Variants in DLC1 observed in about 807,000 individuals in gnomAD.
DLC1 encodes rho GTPase-activating protein 7.
In DLC1, 54 loss-of-function variants were observed where a neutral mutation model predicts 140.3. The ratio of observed to expected loss-of-function variants is 0.38; its 90% CI spans 0.31 to 0.48. DLC1 has a LOEUF of 0.48. Among genes scored for constraint, DLC1 ranks in the 20% least tolerant of loss-of-function variants. The pLI is 0.96. For missense variants in DLC1, 2,536 were observed against 1,907.0 expected (o/e 1.33, Z -6.14); for synonymous variants, 986 against 728.1 (o/e 1.35, Z -5.70).
chr8:13,466,583 G>C (rs1031519573), intron 2 of DLC1, among the ~76,000 whole-genome samples: 1 of 152,178 alleles, frequency 6.6e-6, no homozygotes, highest in Non-Finnish European at 1.5e-5. Context: ...TCTACCTAAT[G>C]AAGTATCCCA....
chr8:13,361,151 G>C (rs1421938119), intron 4 of DLC1, among the ~76,000 whole-genome samples: 1 of 151,770 alleles, frequency 6.6e-6, no homozygotes, highest in Non-Finnish European at 1.5e-5. Context: ...AGGATCACCT[G>C]AGCCAGGGAG....
At chr8:13,428,284 G>A (rs896487076) in intron 2 of DLC1, among the ~76,000 whole-genome samples, 2 of 151,632 alleles carry the variant, frequency 1.3e-5, no homozygotes, top group Non-Finnish European at 2.9e-5. Flanking sequence ...CATACATGTG[G>A]GTTTATATTA....
intron 2 of DLC1, among the ~76,000 whole-genome samples, chr8:13,477,263 T>C (rs1269632116): frequency 6.6e-6 from 1 of 152,156 alleles, no homozygotes; most frequent in African/African-American, 2.4e-5. Context: ...AGTGAAGATA[T>C]CTTCAAGAAG....
In DLC1 at chr8:13,499,287, C is replaced by G; in HGVS notation, c.785G>C (p.Cys262Ser). The G allele has an allele frequency of 6.2e-7, 1 of 1,614,116 alleles. No individual in the cohort carries two copies. The highest frequency in any genetic ancestry group is 8.5e-7 in the Non-Finnish European group (1 of 1,180,000). Reference sequence around the variant, plus strand: ...TAATAATGGCAGTCCTCTGTTTGTGCAAGGAGTATCCAAGAACTCATTTTG... The same window carrying G: ...TAATAATGGCAGTCCTCTGTTTGTGGAAGGAGTATCCAAGAACTCATTTTG... ...VVQNEFLDTP[C>S]TNRGLPLLKT... The change falls in exon 2 of 18, where the codon TGC (cysteine) becomes TCC (serine). Residue 262 changes from cysteine (C) to serine (S), a missense_variant. Physicochemically the swap from Cys to Ser is moderately radical, Grantham distance 112. Transcript: ENST00000276297.
chr8:13,520,551 C>T (rs745405872), intron 1 of DLC1, among the ~76,000 whole-genome samples: 1 of 151,980 alleles, frequency 6.6e-6, no homozygotes, highest in Non-Finnish European at 1.5e-5. Flanking sequence ...CAGCAAACCA[C>T]CATGGCACGT....
At chr8:13,504,121 ATT>A (rs370240794) in intron 1 of DLC1, among the ~76,000 whole-genome samples, 46 of 126,414 alleles carry the variant, frequency 3.6e-4, no homozygotes, top group South Asian at 5.3e-4. Context: ...ATTTCAGAGA[ATT>A]TTTTTTTTTT....
chr8:13,446,515 C>G (rs1426560050), intron 2 of DLC1, among the ~76,000 whole-genome samples: 2 of 149,332 alleles, frequency 1.3e-5, no homozygotes, highest in Non-Finnish European at 3.0e-5. Context: ...AGCCAGTGAA[C>G]TTTGGCTTTG....
At chr8:13,570,606 C>T (rs980326828) in intron 1 of DLC1, among the ~76,000 whole-genome samples, 4 of 150,430 alleles carry the variant, frequency 2.7e-5, no homozygotes, top group Non-Finnish European at 5.9e-5. Flanking sequence ...TCACCCATGT[C>T]CCTACAAAGG....
intron 3 of DLC1, among the ~76,000 whole-genome samples, 179 bp from the exon 4 acceptor site, chr8:13,393,872 T>C (rs545806163): frequency 7.2e-4 from 110 of 152,338 alleles, no homozygotes; most frequent in African/African-American, 2.5e-3. Context: ...GTAAGAACCA[T>C]TGTACTCATC....
At chr8:13,214,665 C>G in intron 5 of DLC1, 1 of 780,074 alleles carries the variant, frequency 1.3e-6, no homozygotes, top group Admixed American at 1.7e-5. Context: ...GGAAAAGCCT[C>G]TTCTGGGGAA....
intron 5 of DLC1, among the ~76,000 whole-genome samples, chr8:13,204,000 G>T (rs1214990114): frequency 1.3e-5 from 2 of 152,138 alleles, no homozygotes; most frequent in African/African-American, 4.8e-5. Flanking sequence ...TTGGGTCTTT[G>T]ATGTGTTTTG....
At chr8:13,366,625 A>G (rs1364513666) in intron 4 of DLC1, among the ~76,000 whole-genome samples, 2 of 152,206 alleles carry the variant, frequency 1.3e-5, no homozygotes, top group Non-Finnish European at 2.9e-5. Flanking sequence ...CAAAAAATTT[A>G]GAAATCTGCT....
In DLC1 at chr8:13,361,735, A is replaced by C. The variant is rs542475496; in HGVS notation, c.1314+31818T>G. On this transcript the variant is annotated intron_variant, in intron 4 of 17. Transcript: ENST00000276297. Reference sequence around the variant, plus strand: ...GACAAGTTTTCCCTACCAAAATCTAATGTCCCTTCTGTTAGGGTAAGAAAA... The same window carrying C: ...GACAAGTTTTCCCTACCAAAATCTACTGTCCCTTCTGTTAGGGTAAGAAAA... Among the ~76,000 whole-genome samples, 4 of 152,312 alleles carry C rather than the reference A, an allele frequency of 2.6e-5. No individual in the cohort carries two copies. The East Asian group carries it at 7.7e-4, about 29-fold the overall frequency.
chr8:13,304,041 G>T (rs534674169), intron 5 of DLC1, among the ~76,000 whole-genome samples: 2 of 152,056 alleles, frequency 1.3e-5, no homozygotes, highest in African/African-American at 4.8e-5. Context: ...TCTGGAATAG[G>T]ATGACAACTT....
At chr8:13,093,806 C>T (rs934290374) in intron 12 of DLC1, among the ~76,000 whole-genome samples, 5 of 152,140 alleles carry the variant, frequency 3.3e-5, no homozygotes, top group East Asian at 3.9e-4. Context: ...ACAATTTGAG[C>T]GCTAAGAGAG....
intron 1 of DLC1, among the ~76,000 whole-genome samples, chr8:13,505,441 T>C (rs925659041): frequency 6.6e-6 from 1 of 152,214 alleles, no homozygotes; most frequent in African/African-American, 2.4e-5. Context: ...ATTATGATAT[T>C]GTGTGCCATT....
intron 9 of DLC1, 131 bp downstream of exon 9, chr8:13,099,216 G>A: frequency 6.9e-7 from 1 of 1,457,666 alleles, no homozygotes. Context: ...TTCCTGGTTT[G>A]ACACCTTCCT....
intron 5 of DLC1, among the ~76,000 whole-genome samples, chr8:13,155,300 T>C (rs575976096): frequency 6.4e-4 from 97 of 152,134 alleles, no homozygotes; most frequent in African/African-American, 2.2e-3. Context: ...TCAGTAAATA[T>C]CCTGGTGCCT....
chr8:13,601,820 A>G (rs1192847508), intron 1 of DLC1, among the ~76,000 whole-genome samples: 1 of 151,688 alleles, frequency 6.6e-6, no homozygotes, highest in South Asian at 2.1e-4. Context: ...CAACAGCAAA[A>G]CACCCTTCTT....
Sources: allele counts gnomAD v4.1 joint callset (sites outside exome capture counted in the v4.1 genomes callset), GRCh38; gene constraint gnomAD v4.1.1; transcripts MANE v1.5; gene names NCBI Gene and HGNC (gene_info 2026-07-23, HGNC 2026-07-21).